Variants in RGPD3 observed in about 807,000 individuals in gnomAD.
RGPD3 encodes ranBP2-like and GRIP domain-containing protein 3.
RGPD3 carries 62 observed loss-of-function variants against 154.5 expected under a neutral mutation model. The observed-to-expected ratio is 0.40, with a 90% CI of 0.33 to 0.50. The LOEUF (loss-of-function observed/expected upper bound fraction) is 0.50. RGPD3 is among the 20% of genes least tolerant of loss of function. The probability of loss-of-function intolerance (pLI) is 0.59; values close to 1 mark genes in which losing one functional copy is unlikely to be tolerated. For synonymous variants in RGPD3, 308 were observed against 607.0 expected (o/e 0.51, Z 7.24); for missense variants, 919 against 1,716.8 (o/e 0.54, Z 8.21).
intron 7 of RGPD3, 33 bp from the exon 8 acceptor site, chr2:106,441,413 A>T: frequency 1.7e-6 from 2 of 1,160,368 alleles, no homozygotes; most frequent in Non-Finnish European, 2.4e-6. Flanking sequence ...TCTTAATTTG[A>T]TGATACCCAT....
chr2:106,446,338 C>T (rs1188757539), intron 7 of RGPD3, among the ~76,000 whole-genome samples: 1 of 150,802 alleles, frequency 6.6e-6, no homozygotes. Flanking sequence ...GAGGCCGAGG[C>T]AGGTGGATGA....
intron 1 of RGPD3, among the ~76,000 whole-genome samples, chr2:106,463,326 A>T (rs553598893): frequency 7.9e-5 from 12 of 152,382 alleles, no homozygotes; most frequent in African/African-American, 2.6e-4. Flanking sequence ...AATAGAAAAA[A>T]TTAGCCGGGC....
chr2:106,441,123 A>C (rs1295216624), intron 8 of RGPD3, among the ~76,000 whole-genome samples, 170 bp downstream of exon 8: 2 of 151,850 alleles, frequency 1.3e-5, no homozygotes, highest in Non-Finnish European at 2.9e-5. Flanking sequence ...TTTTTAAAGA[A>C]TGTGCTATTT....
At chr2:106,418,250 A>AT (rs1455580453) in intron 20 of RGPD3, among the ~76,000 whole-genome samples, 3 of 146,842 alleles carry the variant, frequency 2.0e-5, no homozygotes, top group South Asian at 2.3e-4. Flanking sequence ...ACAGCTCATA[A>AT]TATAGTACTA....
chr2:106,462,666 A>C (rs956534900), intron 1 of RGPD3, among the ~76,000 whole-genome samples: 1 of 152,130 alleles, frequency 6.6e-6, no homozygotes, highest in African/African-American at 2.4e-5. Context: ...CTACTTTTTC[A>C]TTATGCAGTT....
intron 7 of RGPD3, among the ~76,000 whole-genome samples, chr2:106,445,469 G>A (rs1278317382): frequency 2.9e-4 from 44 of 152,072 alleles, no homozygotes; most frequent in African/African-American, 1.1e-3. Context: ...CATGTGAACT[G>A]TCTATCAACG....
intron 1 of RGPD3, among the ~76,000 whole-genome samples, chr2:106,463,406 C>T (rs1339148806): frequency 3.9e-5 from 6 of 152,216 alleles, no homozygotes; most frequent in African/African-American, 7.2e-5. Context: ...ACCCGGGAGG[C>T]GGAGGTTGTG....
chr2:106,468,023 C>G (rs1399922119), intron 1 of RGPD3, among the ~76,000 whole-genome samples, 194 bp downstream of exon 1: 2 of 141,534 alleles, frequency 1.4e-5, no homozygotes, highest in African/African-American at 5.5e-5. Flanking sequence ...GGAGCAGCGC[C>G]GGTCGGGAGC....
Position 106,413,110 on chromosome 2 carries a change from T to A in RGPD3, c.5240A>T (p.Lys1747Met). ...NTMLQLSLEE[K>M]GKLAAVAQGE... ...TTGAGCAACCGCAGCAAGTTTTCCC[T>A]TTTCTTCAAGGCTGAGCTGCAACAT... is the stretch of plus-strand genomic sequence containing the variant. The change falls in exon 22 of 23, where the codon AAG becomes ATG. Residue 1747 changes from lysine to methionine, a missense_variant. Lys to Met is a moderately conservative substitution (Grantham distance 95, BLOSUM62 -1). Transcript: ENST00000409886. The A allele has an allele frequency of 6.2e-7, 1 of 1,610,834 alleles. No individual in the cohort carries two copies. Among genetic ancestry groups the A allele is most frequent in the Non-Finnish European group, 8.5e-7 (1 of 1,179,642 alleles).
intron 22 of RGPD3, among the ~76,000 whole-genome samples, chr2:106,408,900 G>T (rs1251803571): frequency 1.9e-4 from 28 of 151,324 alleles, no homozygotes; most frequent in African/African-American, 6.1e-4. Flanking sequence ...TGCCCAGGCT[G>T]ATTCTGAACT....
intron 21 of RGPD3, among the ~76,000 whole-genome samples, chr2:106,414,078 T>C (rs1464979973): frequency 6.6e-6 from 1 of 151,804 alleles, no homozygotes; most frequent in African/African-American, 2.4e-5. Context: ...TCAGACACAG[T>C]GAAAATTCAG....
At chr2:106,440,498 A>G (rs2104484757) in intron 8 of RGPD3, among the ~76,000 whole-genome samples, 1 of 150,752 alleles carries the variant, frequency 6.6e-6, no homozygotes, top group African/African-American at 2.5e-5. Flanking sequence ...GGTAGAAGGA[A>G]AAGAGAAAAG....
At chr2:106,412,450 C>G (rs1469509490) in intron 22 of RGPD3, among the ~76,000 whole-genome samples, 5 of 151,694 alleles carry the variant, frequency 3.3e-5, no homozygotes, top group African/African-American at 9.7e-5. Context: ...GCTGGGACTA[C>G]AGGCGCATGC....
At chr2:106,463,576 AC>A (rs1678470275) in intron 1 of RGPD3, among the ~76,000 whole-genome samples, 1 of 151,920 alleles carries the variant, frequency 6.6e-6, no homozygotes, top group Non-Finnish European at 1.5e-5. Context: ...GACATGAGAT[AC>A]AAGAAACAAA....
At chr2:106,412,588 G>A (rs1343454945) in intron 22 of RGPD3, among the ~76,000 whole-genome samples, 7 of 151,714 alleles carry the variant, frequency 4.6e-5, no homozygotes, top group Non-Finnish European at 8.8e-5. Flanking sequence ...GATTATAGGT[G>A]TGAACCACCG....
In RGPD3 at chr2:106,409,648, C is replaced by T. The variant is rs567371243; in HGVS notation, c.5266+3436G>A. On this transcript the variant is annotated intron_variant, in intron 22 of 22. Coordinates refer to ENST00000409886, the MANE Select transcript of RGPD3 (RefSeq NM_001144013.2). ...GTAGATTTCTTCTTTTTTTTTAATACTGCTTGAGATTTTATTGGGTTTTTG... is the reference window on the plus strand; with the variant it reads ...GTAGATTTCTTCTTTTTTTTTAATATTGCTTGAGATTTTATTGGGTTTTTG... Among the ~76,000 whole-genome samples, 634 of 151,626 alleles carry T rather than the reference C, an allele frequency of 4.2e-3. 3 individuals carry two copies. Among genetic ancestry groups the T allele is most frequent in the African/African-American group, 0.014 (587 of 41,334 alleles).
chr2:106,415,868 G>A lies in RGPD3; in HGVS notation c.5046C>T (p.Val1682=). 2.5e-6 allele frequency: 4 copies of A among 1,611,858 alleles called. No homozygotes were observed. The South Asian group carries it at 4.4e-5, about 18-fold the overall frequency. The change falls in exon 21 of 23, where the codon GTC becomes GTT. Residue 1682 remains valine (V), a synonymous_variant. Coordinates refer to ENST00000409886, the MANE Select transcript of RGPD3 (RefSeq NM_001144013.2). ...LLREIEATNA[V]LMEQIKLLKS... ...ATCTCACCTTAATTTGCTCCATAAG[G>A]ACTGCATTGGTTGCCTCTATTTCCC...
chr2:106,418,290 C>G (rs1266136139), intron 20 of RGPD3, among the ~76,000 whole-genome samples: 1 of 148,070 alleles, frequency 6.8e-6, no homozygotes, highest in Non-Finnish European at 1.5e-5. Context: ...GAGTAGAGGG[C>G]CAAACTACTG....
chr2:106,406,830 C>T (rs1676532339), intron 22 of RGPD3, among the ~76,000 whole-genome samples: 2 of 152,202 alleles, frequency 1.3e-5, no homozygotes, highest in Admixed American at 6.5e-5. Flanking sequence ...ATATGTATGA[C>T]AGTTTGACCT....
Sources: allele counts gnomAD v4.1 joint callset (sites outside exome capture counted in the v4.1 genomes callset), GRCh38; gene constraint gnomAD v4.1.1; transcripts MANE v1.5; gene names NCBI Gene and HGNC (gene_info 2026-07-23, HGNC 2026-07-21).